The following IMPA2 variants were observed in gnomAD, a reference collection of about 807,000 sequenced individuals.
The protein encoded by IMPA2 is IMP 2.
A neutral mutation model predicts 35.1 loss-of-function variants in IMPA2; 32 were observed. That is an observed-to-expected ratio of 0.91 (90% CI 0.69 to 1.23). The LOEUF is 1.23. Among genes scored for constraint, IMPA2 ranks in the 50% most tolerant of loss-of-function variants. The pLI, the probability that IMPA2 is intolerant of heterozygous loss-of-function variation, is 0.00. For missense variants in IMPA2, 334 were observed against 387.6 expected (o/e 0.86, Z 1.16); for synonymous variants, 135 against 160.6 (o/e 0.84, Z 1.20).
intron 1 of IMPA2, among the ~76,000 whole-genome samples, chr18:11,997,142 C>T (rs531441854): frequency 2.6e-5 from 4 of 152,300 alleles, no homozygotes; most frequent in East Asian, 1.9e-4. Context: ...AGCTTTGTGC[C>T]GAAGGCCTGT....
At chr18:11,987,828 A>G (rs1019121023) in intron 1 of IMPA2, among the ~76,000 whole-genome samples, 1 of 152,102 alleles carries the variant, frequency 6.6e-6, no homozygotes, top group African/African-American at 2.4e-5. Context: ...GTACCAAGTT[A>G]CACTCCACCC....
In IMPA2 at chr18:12,010,979, C is replaced by G. The variant is rs1328548945; in HGVS notation, c.335+992C>G. ...TCACCAATCTCTCCTCTCATTTCAA[C>G]TAAAGCATGATCCTTCCCAGGGCTC... is the stretch of plus-strand genomic sequence containing the variant. On this transcript the variant is annotated intron_variant, in intron 3 of 7. Transcript: ENST00000269159. The surrounding 1 kb of genome is among the most constrained non-coding windows in gnomAD (Gnocchi z 4.8). Among the ~76,000 whole-genome samples, 3 of 152,188 alleles carry G rather than the reference C, an allele frequency of 2.0e-5. No homozygotes were observed. The highest frequency in any genetic ancestry group is 7.2e-5 in the African/African-American group (3 of 41,446).
chr18:12,020,428 G>A, intron 5 of IMPA2, among the ~76,000 whole-genome samples: 1 of 152,170 alleles, frequency 6.6e-6, no homozygotes, highest in East Asian at 1.9e-4. Context: ...CCCGATCTCA[G>A]GTGATCTGCC....
intron 2 of IMPA2, among the ~76,000 whole-genome samples, chr18:12,008,074 C>T (rs146420089): frequency 0.014 from 2,073 of 152,266 alleles, 47 homozygotes; most frequent in African/African-American, 0.047. Flanking sequence ...CGGCTCACTG[C>T]AACCTCCACC....
At chr18:11,985,404 G>T (rs2143772364) in intron 1 of IMPA2, among the ~76,000 whole-genome samples, 1 of 152,226 alleles carries the variant, frequency 6.6e-6, no homozygotes, top group South Asian at 2.1e-4. Context: ...TATATGGGGA[G>T]AATAGAAAGA....
At chr18:12,014,560 G>A (rs995384241) in intron 5 of IMPA2, among the ~76,000 whole-genome samples, 187 bp downstream of exon 5, 4 of 152,038 alleles carry the variant, frequency 2.6e-5, no homozygotes, top group African/African-American at 9.7e-5. Context: ...TTTTGTTCAC[G>A]TGGCCAGGAG....
intron 2 of IMPA2, among the ~76,000 whole-genome samples, chr18:12,005,082 G>A (rs542945013): frequency 3.3e-5 from 5 of 152,294 alleles, no homozygotes; most frequent in African/African-American, 9.6e-5. Context: ...CACGGTTCAC[G>A]CCTCTGCTGG....
chr18:12,004,047 G>T (rs4352114), intron 2 of IMPA2, among the ~76,000 whole-genome samples: 63,492 of 152,110 alleles, frequency 0.42, 15,624 homozygotes, highest in African/African-American at 0.66. Context: ...CCAGCACAGA[G>T]CAGTGTCTGT....
At chr18:11,997,218 T>A (rs191123329) in intron 1 of IMPA2, among the ~76,000 whole-genome samples, 2 of 151,936 alleles carry the variant, frequency 1.3e-5, no homozygotes, top group Non-Finnish European at 2.9e-5. Flanking sequence ...ATGTGAGGAG[T>A]GTGAGATTCA....
At chr18:12,023,136 C>G (rs1907783500) in intron 5 of IMPA2, among the ~76,000 whole-genome samples, 1 of 151,828 alleles carries the variant, frequency 6.6e-6, no homozygotes, top group South Asian at 2.1e-4. Context: ...CGTATGTTGG[C>G]AAGAATGAGA....
intron 1 of IMPA2, chr18:11,994,453 G>A (rs956205563): frequency 4.6e-5 from 7 of 152,262 alleles, no homozygotes; most frequent in African/African-American, 1.7e-4. Flanking sequence ...TGTAACCCAT[G>A]ACTCGGCCCT....
intron 2 of IMPA2, among the ~76,000 whole-genome samples, chr18:12,003,662 AAAG>A (rs1568031393): frequency 2.5e-5 from 1 of 39,222 alleles, no homozygotes; most frequent in Non-Finnish European, 3.8e-5. Context: ...AAAAAAAAAA[AAAG>A]AAAAGGAAAA....
At chr18:12,011,632 G>C (rs1206990218) in intron 3 of IMPA2, among the ~76,000 whole-genome samples, 1 of 152,246 alleles carries the variant, frequency 6.6e-6, no homozygotes, top group Admixed American at 6.5e-5. Flanking sequence ...GGCAATAGCA[G>C]AATCACAAAA....
At chr18:11,993,491 G>A (rs1052506144) in intron 1 of IMPA2, among the ~76,000 whole-genome samples, 4 of 152,202 alleles carry the variant, frequency 2.6e-5, no homozygotes, top group African/African-American at 9.7e-5. Flanking sequence ...TGGTGTATAT[G>A]GGTGCATGTC....
intron 3 of IMPA2, among the ~76,000 whole-genome samples, chr18:12,011,829 C>T (rs1427381202): frequency 6.6e-6 from 1 of 152,134 alleles, no homozygotes; most frequent in Non-Finnish European, 1.5e-5. Context: ...CTGGGTCTGG[C>T]CTTTGGGGAG....
chr18:11,996,122 A>C (rs1229030992), intron 1 of IMPA2, among the ~76,000 whole-genome samples: 1 of 152,154 alleles, frequency 6.6e-6, no homozygotes, highest in African/African-American at 2.4e-5. Context: ...TTCAGATGGG[A>C]TATGGTAAGT....
At chr18:11,985,307 GCTT>G (rs1201138046) in intron 1 of IMPA2, among the ~76,000 whole-genome samples, 2 of 152,016 alleles carry the variant, frequency 1.3e-5, no homozygotes, top group African/African-American at 4.8e-5. Flanking sequence ...TTCTTTCACT[GCTT>G]CTCATACTTC....
intron 2 of IMPA2, among the ~76,000 whole-genome samples, chr18:12,000,967 C>T (rs777737463): frequency 3.6e-4 from 55 of 151,258 alleles, no homozygotes; most frequent in South Asian, 2.3e-3. Context: ...TAGGGTGGCT[C>T]ACACCTGTAA....
intron 1 of IMPA2, among the ~76,000 whole-genome samples, chr18:11,998,832 C>T (rs1907029545): frequency 1.3e-5 from 2 of 148,476 alleles, no homozygotes; most frequent in African/African-American, 5.0e-5. Context: ...CATTAAGGCT[C>T]ACTAGAAACC....
Sources: gnomAD v4.1 joint callset for allele counts (sites outside exome capture counted in the v4.1 genomes callset) on GRCh38, gnomAD v4.1.1 for gene constraint, Gnocchi (gnomAD v3.1) non-coding constraint, MANE v1.5 for transcripts, NCBI Gene and HGNC (gene_info 2026-07-23, HGNC 2026-07-21) for gene names.